Variants in CHCHD6 observed in about 807,000 individuals in gnomAD.
CHCHD6 encodes coiled-coil-helix-coiled-coil-helix domain containing 6.
In CHCHD6, 28 loss-of-function variants were observed where a neutral mutation model predicts 32.3. The observed-to-expected ratio is 0.87, with a 90% CI of 0.64 to 1.19. The LOEUF (loss-of-function observed/expected upper bound fraction) is 1.19. Ranked by LOEUF, CHCHD6 falls within the 50% of genes most tolerant of loss-of-function variation. CHCHD6 has a pLI of 0.00. For synonymous variants in CHCHD6, 122 were observed against 117.5 expected, an observed-to-expected ratio of 1.04 and a Z score of -0.25; for missense variants, 333 against 307.0, an observed-to-expected ratio of 1.08 and a Z score of -0.63.
intron 4 of CHCHD6, among the ~76,000 whole-genome samples, chr3:126,802,632 A>C (rs1365544362): frequency 6.6e-6 from 1 of 152,210 alleles, no homozygotes; most frequent in African/African-American, 2.4e-5. Context: ...CAAGTTGGAA[A>C]ACACTCTGCA....
At chr3:126,903,002 T>C (rs575871499) in intron 5 of CHCHD6, among the ~76,000 whole-genome samples, 1 of 152,152 alleles carries the variant, frequency 6.6e-6, no homozygotes, top group South Asian at 2.1e-4. Flanking sequence ...GTCAGTTCCC[T>C]GCGAAGGGAG....
chr3:126,841,229 A>G (rs1036054588), intron 4 of CHCHD6, among the ~76,000 whole-genome samples: 1 of 152,136 alleles, frequency 6.6e-6, no homozygotes, highest in Non-Finnish European at 1.5e-5. Context: ...TGAACTCATC[A>G]TTTTTTATGG....
chr3:126,785,811 T>A (rs536472989), intron 4 of CHCHD6, among the ~76,000 whole-genome samples: 1 of 152,308 alleles, frequency 6.6e-6, no homozygotes, highest in South Asian at 2.1e-4. Flanking sequence ...CTACTTTGTT[T>A]CTTTTATACA....
intron 6 of CHCHD6, among the ~76,000 whole-genome samples, chr3:126,929,854 C>G (rs143377180): frequency 1.3e-5 from 2 of 152,324 alleles, no homozygotes; most frequent in African/African-American, 2.4e-5. Context: ...GCATGAGCCA[C>G]CACCTGACCC....
rs137954511 is a variant in CHCHD6 at position 126,904,259 on chromosome 3, A to G, written c.496-10421A>G. Among the ~76,000 whole-genome samples, 28 of 152,278 alleles carry G rather than the reference A, an allele frequency of 1.8e-4. No individual in the cohort carries two copies. In the East Asian group the frequency reaches 3.3e-3, roughly 18 times the overall value. On this transcript the variant is annotated intron_variant, in intron 5 of 7. Coordinates refer to ENST00000290913, the MANE Select transcript of CHCHD6 (RefSeq NM_032343.3). ...CATTTGGTTAGCCCTGTAGTCTTCA[A>G]AAATTCCTGTGTGTGCCCTTTCCAG...
chr3:126,814,309 G>A (rs755450919), intron 4 of CHCHD6, among the ~76,000 whole-genome samples: 64 of 152,164 alleles, frequency 4.2e-4, no homozygotes, highest in Non-Finnish European at 8.7e-4. Flanking sequence ...TTATGAATAT[G>A]ATATTTTGAA....
chr3:126,867,805 C>G (rs965472608), intron 5 of CHCHD6, among the ~76,000 whole-genome samples: 2 of 152,208 alleles, frequency 1.3e-5, no homozygotes, highest in East Asian at 3.9e-4. Flanking sequence ...CTCTGTCCTC[C>G]CTCCATGATG....
chr3:126,732,419 GCATTTATTGGTTCT>G (rs1205947080), intron 3 of CHCHD6, among the ~76,000 whole-genome samples: 3 of 152,142 alleles, frequency 2.0e-5, no homozygotes, highest in African/African-American at 7.2e-5. Context: ...ATTGCTAAAA[GCATTTATTGGTTCT>G]CAGTTTTTAG....
chr3:126,869,193 A>G (rs777691670), intron 5 of CHCHD6, among the ~76,000 whole-genome samples: 1 of 152,066 alleles, frequency 6.6e-6, no homozygotes, highest in Non-Finnish European at 1.5e-5. Flanking sequence ...AAATAGGCTC[A>G]CAGTTTATTA....
rs879804824 is a variant in CHCHD6, at chr3:126,864,982, A to T, written c.495+12252A>T. Reference sequence around the variant, plus strand: ...CTCCATCACCACCTCCATCATCACCACTACCACCATCACCTTTTCTTCCTC... The same window carrying T: ...CTCCATCACCACCTCCATCATCACCTCTACCACCATCACCTTTTCTTCCTC... On this transcript the variant is annotated intron_variant, in intron 5 of 7. Coordinates refer to ENST00000290913, the MANE Select transcript of CHCHD6 (RefSeq NM_032343.3). Among the ~76,000 whole-genome samples, 634 of 134,276 alleles carry T rather than the reference A, an allele frequency of 4.7e-3. 6 individuals carry two copies. The highest frequency in any genetic ancestry group is 7.3e-3 in the Non-Finnish European group (468 of 64,026). The allele number at this position is 134,276 out of a possible 152,430, so 88.1% of individuals were successfully genotyped here. A position where few individuals can be genotyped will look rare whatever the true frequency, so the allele number is the denominator to read the frequency against.
chr3:126,714,569 G>C (rs1316617933), intron 1 of CHCHD6, among the ~76,000 whole-genome samples: 1 of 152,188 alleles, frequency 6.6e-6, no homozygotes, highest in Non-Finnish European at 1.5e-5. Flanking sequence ...GGGCATCGGG[G>C]TGTTGGCACC....
chr3:126,959,681 C>T (rs993982432), intron 7 of CHCHD6, among the ~76,000 whole-genome samples: 6 of 152,208 alleles, frequency 3.9e-5, no homozygotes, highest in African/African-American at 1.2e-4. Flanking sequence ...CAGAGCCTGG[C>T]ACCTGCCTGT....
At chr3:126,845,908 A>G (rs1403997988) in intron 4 of CHCHD6, among the ~76,000 whole-genome samples, 7 of 152,346 alleles carry the variant, frequency 4.6e-5, no homozygotes, top group Middle Eastern at 3.4e-3. Flanking sequence ...CTATTTTTTC[A>G]GAACTCTGAA....
At position 126,897,935 on chromosome 3, in the gene CHCHD6, A is replaced by G. The variant is rs551050326; in HGVS notation, c.496-16745A>G. Among the ~76,000 whole-genome samples the G allele has an allele frequency of 7.9e-5, 12 of 152,298 alleles. No homozygotes were observed. In the East Asian group the frequency reaches 2.1e-3, roughly 27 times the overall value. The stretch of plus-strand genomic sequence containing the variant: ...GATTGTGGCCCTAGATGAGTCTTTC[A>G]GCCTCAGTCTCTGCCTGTGGAGTGG... On this transcript the variant is annotated intron_variant, in intron 5 of 7. Coordinates refer to ENST00000290913, the MANE Select transcript of CHCHD6 (RefSeq NM_032343.3).
intron 1 of CHCHD6, among the ~76,000 whole-genome samples, chr3:126,708,765 A>G (rs1044493394): frequency 2.6e-5 from 4 of 152,202 alleles, no homozygotes; most frequent in African/African-American, 7.2e-5. Context: ...TGTCACCACA[A>G]TCCAATTATA....
At chr3:126,746,095 G>C (rs1460748567) in intron 4 of CHCHD6, among the ~76,000 whole-genome samples, 3 of 152,224 alleles carry the variant, frequency 2.0e-5, no homozygotes, top group African/African-American at 7.2e-5. Flanking sequence ...TTGCTGAGGA[G>C]AGTAGAGGTA....
At chr3:126,760,938 A>G (rs1320128679) in intron 4 of CHCHD6, among the ~76,000 whole-genome samples, 1 of 152,108 alleles carries the variant, frequency 6.6e-6, no homozygotes, top group Non-Finnish European at 1.5e-5. Context: ...TGCTCAAGTG[A>G]TCCTCCTGCC....
At chr3:126,752,382 G>A (rs2107668469) in intron 4 of CHCHD6, among the ~76,000 whole-genome samples, 1 of 152,328 alleles carries the variant, frequency 6.6e-6, no homozygotes, top group Middle Eastern at 3.4e-3. Context: ...GTCTCTTCCT[G>A]TGGTGTGTGA....
chr3:126,733,904 T>C (rs766529123), intron 4 of CHCHD6, among the ~76,000 whole-genome samples: 1 of 152,192 alleles, frequency 6.6e-6, no homozygotes, highest in Non-Finnish European at 1.5e-5. Context: ...AGTGGCTCAC[T>C]AGCATCATCA....
Sources: gnomAD v4.1 joint callset for allele counts (sites outside exome capture counted in the v4.1 genomes callset) on GRCh38, gnomAD v4.1.1 for gene constraint, MANE v1.5 for transcripts, NCBI Gene and HGNC (gene_info 2026-07-23, HGNC 2026-07-21) for gene names.